The following NPR3 variants were observed in gnomAD, a reference collection of about 807,000 sequenced individuals.
NPR3 encodes the protein natriuretic peptide receptor 3, also known as atrial natriuretic peptide receptor 3.
A neutral mutation model predicts 54.5 loss-of-function variants in NPR3; 34 were observed. The observed-to-expected ratio is 0.62, with a 90% confidence interval of 0.47 to 0.83. The LOEUF (loss-of-function observed/expected upper bound fraction) is 0.83. Ranked by LOEUF, NPR3 falls within the 40% of genes least tolerant of loss-of-function variation. The pLI, the probability that NPR3 is intolerant of heterozygous loss-of-function variation, is 0.00. For synonymous variants in NPR3, 289 were observed against 297.1 expected (o/e 0.97, Z 0.28); for missense variants, 674 against 720.8 (o/e 0.94, Z 0.74).
intron 2 of NPR3, among the ~76,000 whole-genome samples, chr5:32,730,665 T>A (rs535241754): frequency 6.6e-6 from 1 of 152,326 alleles, no homozygotes; most frequent in South Asian, 2.1e-4. Context: ...CACTTGTGTT[T>A]CTATATTCTA....
At chr5:32,733,312 C>T (rs696835) in intron 2 of NPR3, among the ~76,000 whole-genome samples, 38,755 of 152,010 alleles carry the variant, frequency 0.25, 5,215 homozygotes, top group African/African-American at 0.34. Context: ...CAATGGGTAA[C>T]ATATTATGGG....
chr5:32,717,612 T>C (rs1341523126), intron 1 of NPR3, among the ~76,000 whole-genome samples: 1 of 152,254 alleles, frequency 6.6e-6, no homozygotes, highest in East Asian at 1.9e-4. Flanking sequence ...CCAGTGATGA[T>C]GAGCATTTTT....
chr5:32,698,332 C>T (rs562073398), intron 1 of NPR3, among the ~76,000 whole-genome samples: 11 of 151,866 alleles, frequency 7.2e-5, no homozygotes, highest in Admixed American at 5.9e-4. Flanking sequence ...AAGTTTTATT[C>T]CATTGTGGTC....
intron 3 of NPR3, among the ~76,000 whole-genome samples, chr5:32,748,721 G>C (rs1740426856): frequency 6.6e-6 from 1 of 152,194 alleles, no homozygotes; most frequent in African/African-American, 2.4e-5. Context: ...GATGAAGGGA[G>C]GGGAATGAAT....
intron 5 of NPR3, among the ~76,000 whole-genome samples, chr5:32,781,163 T>A (rs1050784233): frequency 6.6e-6 from 1 of 152,098 alleles, no homozygotes; most frequent in African/African-American, 2.4e-5. Context: ...TCAATGTGTG[T>A]TAACATTTCC....
chr5:32,758,706 T>C (rs1740986512), intron 3 of NPR3, among the ~76,000 whole-genome samples: 1 of 152,202 alleles, frequency 6.6e-6, no homozygotes, highest in African/African-American at 2.4e-5. Flanking sequence ...AGGGTGTCAA[T>C]TTTAGATCTT....
At chr5:32,722,665 T>C (rs73067056) in intron 1 of NPR3, among the ~76,000 whole-genome samples, 1,593 of 152,286 alleles carry the variant, frequency 0.01, 26 homozygotes, top group African/African-American at 0.036. Flanking sequence ...AGACATCCAC[T>C]CTTGGAATCC....
At chr5:32,773,033 G>A (rs1279443183) in intron 3 of NPR3, among the ~76,000 whole-genome samples, 1 of 146,260 alleles carries the variant, frequency 6.8e-6, no homozygotes, top group Non-Finnish European at 1.5e-5. Context: ...TCACAGAACC[G>A]TATCTTGTGA....
At chr5:32,782,605 G>A (rs796286918) in intron 5 of NPR3, among the ~76,000 whole-genome samples, 1 of 152,134 alleles carries the variant, frequency 6.6e-6, no homozygotes, top group Non-Finnish European at 1.5e-5. Flanking sequence ...TGGCACGACC[G>A]CTCTTAATGC....
rs772738183 is a variant in NPR3 at position 32,712,144 on chromosome 5, C to T, written c.368C>T (p.Ala123Val). The change falls in exon 1 of 8, where the codon GCG becomes GTG. Residue 123 changes from alanine (A) to valine (V), a missense_variant. Coordinates refer to ENST00000265074, the MANE Select transcript of NPR3 (RefSeq NM_001204375.2). ...AGCTTGGTGGACCGCGTGGCGGCGG[C>T]GCGGGGCGCCAAGCCAGACCTTATC... The part of the protein sequence containing the change: ...LFSLVDRVAA[A>V]RGAKPDLILG... 6.2e-7 allele frequency: 1 copy of T among 1,613,454 alleles called. No individual in the cohort carries two copies. The highest frequency in any genetic ancestry group is 8.5e-7 in the Non-Finnish European group (1 of 1,179,784).
At chr5:32,760,601 A>G (rs1741115575) in intron 3 of NPR3, among the ~76,000 whole-genome samples, 1 of 150,336 alleles carries the variant, frequency 6.7e-6, no homozygotes, top group Non-Finnish European at 1.5e-5. Flanking sequence ...ATATCTGTAT[A>G]GTGAATATGT....
intron 3 of NPR3, among the ~76,000 whole-genome samples, chr5:32,761,149 T>G (rs912255618): frequency 6.6e-6 from 1 of 152,124 alleles, no homozygotes; most frequent in African/African-American, 2.4e-5. Context: ...TACTGTAAGT[T>G]TTTTCCTTTT....
intron 1 of NPR3, among the ~76,000 whole-genome samples, chr5:32,695,462 G>GT (rs1256960027): frequency 1.3e-5 from 2 of 152,152 alleles, no homozygotes; most frequent in Non-Finnish European, 2.9e-5. Context: ...TAGAGACGGA[G>GT]TTTCACGGTG....
At chr5:32,740,067 GA>G (rs1412883093) in intron 3 of NPR3, among the ~76,000 whole-genome samples, 2 of 152,144 alleles carry the variant, frequency 1.3e-5, no homozygotes, top group Non-Finnish European at 2.9e-5. Context: ...CCTTCTTAAT[GA>G]TAGGCATATG....
At chr5:32,736,230 C>CAAAAAAAAAAAAA (rs56211529) in intron 2 of NPR3, among the ~76,000 whole-genome samples, 5 of 65,338 alleles carry the variant, frequency 7.7e-5, no homozygotes, top group Non-Finnish European at 1.6e-4. Flanking sequence ...CACTCTGTCT[C>CAAAAAAAAAAAAA]AAAAAAAAAA....
At chr5:32,702,217 C>A (rs113832755) in intron 1 of NPR3, among the ~76,000 whole-genome samples, 1 of 152,134 alleles carries the variant, frequency 6.6e-6, no homozygotes, top group Admixed American at 6.5e-5. Context: ...TAGTCTACTG[C>A]GGCTGAGCTG....
At chr5:32,764,072 A>C (rs1282691835) in intron 3 of NPR3, among the ~76,000 whole-genome samples, 3 of 152,192 alleles carry the variant, frequency 2.0e-5, no homozygotes, top group Non-Finnish European at 4.4e-5. Context: ...GGTGGGGTTC[A>C]AACTCCAAAC....
chr5:32,779,734 C>T (rs1193230409), intron 4 of NPR3, among the ~76,000 whole-genome samples: 1 of 152,154 alleles, frequency 6.6e-6, no homozygotes, highest in Admixed American at 6.5e-5. Flanking sequence ...GCTGGCTCCT[C>T]CTCTGAGTGA....
At chr5:32,746,642 T>G (rs2111970537) in intron 3 of NPR3, among the ~76,000 whole-genome samples, 1 of 152,370 alleles carries the variant, frequency 6.6e-6, no homozygotes, top group Non-Finnish European at 1.5e-5. Context: ...CAGTTCACTC[T>G]TTTCAATTCC....
Sources: gnomAD v4.1 joint callset for allele counts (sites outside exome capture counted in the v4.1 genomes callset) on GRCh38, gnomAD v4.1.1 for gene constraint, MANE v1.5 for transcripts, NCBI Gene and HGNC (gene_info 2026-07-23, HGNC 2026-07-21) for gene names.